SPECC1: variants seen among roughly 807,000 people sequenced by gnomAD.
SPECC1 encodes sperm antigen with calponin homology and coiled-coil domains 1.
A neutral mutation model predicts 104.1 loss-of-function variants in SPECC1; 62 were observed. The observed-to-expected ratio is 0.60, with a 90% confidence interval of 0.49 to 0.74. SPECC1 has a LOEUF of 0.74. SPECC1 is among the 30% of genes least tolerant of loss of function. The pLI, the probability that SPECC1 is intolerant of heterozygous loss-of-function variation, is 0.00. For missense variants in SPECC1, 1,306 were observed against 1,310.5 expected, an observed-to-expected ratio of 1.00 and a Z score of 0.05; for synonymous variants, 513 against 501.6, an observed-to-expected ratio of 1.02 and a Z score of -0.30.
At chr17:20,161,130 G>C (rs2033104559) in intron 3 of SPECC1, among the ~76,000 whole-genome samples, 1 of 152,192 alleles carries the variant, frequency 6.6e-6, no homozygotes, top group Non-Finnish European at 1.5e-5. Flanking sequence ...AGAATCGCTT[G>C]AGCCCGGGAG....
At chr17:20,185,865 T>C (rs563747660) in intron 3 of SPECC1, among the ~76,000 whole-genome samples, 78 of 152,180 alleles carry the variant, frequency 5.1e-4, no homozygotes, top group African/African-American at 1.8e-3. Flanking sequence ...TGAGGCAGAG[T>C]CTCTCTGTGT....
chr17:20,152,712 G>A (rs1182103902), intron 3 of SPECC1, among the ~76,000 whole-genome samples: 2 of 152,038 alleles, frequency 1.3e-5, no homozygotes, highest in African/African-American at 2.4e-5. Flanking sequence ...TTGCTCTGTT[G>A]CCAGGCTGGA....
intron 1 of SPECC1, among the ~76,000 whole-genome samples, chr17:20,035,514 TGTAA>T (rs1567805052): frequency 6.6e-6 from 1 of 152,242 alleles, no homozygotes; most frequent in Non-Finnish European, 1.5e-5. Context: ...TAGATTTATA[TGTAA>T]GTATTTCATT....
chr17:20,210,006 C>A (rs2037031049), intron 4 of SPECC1, among the ~76,000 whole-genome samples: 1 of 152,068 alleles, frequency 6.6e-6, no homozygotes, highest in African/African-American at 2.4e-5. Context: ...TATAAATAAC[C>A]CCTTGGCATG....
At chr17:20,247,719 GT>G (rs536052186) in intron 9 of SPECC1, among the ~76,000 whole-genome samples, 1 of 152,104 alleles carries the variant, frequency 6.6e-6, no homozygotes, top group Non-Finnish European at 1.5e-5. Flanking sequence ...TAGAAGTTAG[GT>G]TTTTTTGGAT....
intron 3 of SPECC1, among the ~76,000 whole-genome samples, chr17:20,171,627 A>G (rs2034097450): frequency 6.6e-6 from 1 of 152,042 alleles, no homozygotes; most frequent in African/African-American, 2.4e-5. Flanking sequence ...GGCTCACTGC[A>G]GCCTCGACCT....
chr17:20,125,516 A>G (rs1341370718), intron 3 of SPECC1, among the ~76,000 whole-genome samples: 1 of 152,210 alleles, frequency 6.6e-6, no homozygotes, highest in Non-Finnish European at 1.5e-5. Context: ...ATCTGTACCC[A>G]CTGAACGACT....
intron 7 of SPECC1, chr17:20,239,275 G>A (rs2039082704): frequency 3.1e-5 from 31 of 1,013,896 alleles, no homozygotes; most frequent in Non-Finnish European, 3.7e-5. Context: ...ATAACAAAAT[G>A]GAGACGTGTG....
chr17:20,248,695 C>T (rs1360834171), intron 9 of SPECC1, among the ~76,000 whole-genome samples: 2 of 152,018 alleles, frequency 1.3e-5, no homozygotes, highest in African/African-American at 4.8e-5. Context: ...ACTTTGCCTG[C>T]TTTTCTTTTG....
chr17:20,028,267 C>A (rs572427699), intron 1 of SPECC1, among the ~76,000 whole-genome samples: 1 of 106,446 alleles, frequency 9.4e-6, no homozygotes, highest in South Asian at 2.6e-4. Flanking sequence ...GGTCCAACTT[C>A]ATTTTTTTTT....
intron 3 of SPECC1, among the ~76,000 whole-genome samples, chr17:20,126,115 C>T (rs1395196642): frequency 6.6e-6 from 1 of 152,146 alleles, no homozygotes. Context: ...CCATCCAGGT[C>T]CTGGCTGTCT....
chr17:20,064,293 C>T (rs779632211), intron 1 of SPECC1, among the ~76,000 whole-genome samples: 2 of 151,326 alleles, frequency 1.3e-5, no homozygotes, highest in African/African-American at 2.4e-5. Flanking sequence ...AGAACGGGCA[C>T]ACCACCAAGT....
intron 7 of SPECC1, among the ~76,000 whole-genome samples, chr17:20,243,448 A>G (rs994302688): frequency 6.6e-6 from 1 of 152,308 alleles, no homozygotes; most frequent in Non-Finnish European, 1.5e-5. Flanking sequence ...AAGGATTTTC[A>G]GCCTCATTTA....
intron 12 of SPECC1, among the ~76,000 whole-genome samples, chr17:20,287,829 G>C (rs933861635): frequency 6.6e-6 from 1 of 151,744 alleles, no homozygotes; most frequent in Admixed American, 6.6e-5. Flanking sequence ...AAATTTCAGG[G>C]TACATGTGCA....
At chr17:20,039,749 G>T (rs1002749020) in intron 1 of SPECC1, among the ~76,000 whole-genome samples, 1 of 151,990 alleles carries the variant, frequency 6.6e-6, no homozygotes, top group African/African-American at 2.4e-5. Context: ...TAGAGATGGG[G>T]TATTACCATG....
chr17:20,272,130 A>G (rs1272316561), intron 12 of SPECC1, among the ~76,000 whole-genome samples: 1 of 152,070 alleles, frequency 6.6e-6, no homozygotes, highest in Non-Finnish European at 1.5e-5. Context: ...GCACCCTTTC[A>G]ATATGTAATT....
At position 20,269,513 on chromosome 17, in the gene SPECC1, C is replaced by T. The variant is rs143258564; in HGVS notation, c.2940+9219C>T. ...CCATCTCGGCTCACCACAACCTCCGCTCCCGGGTTCAAGATTCTCCTGCCT... is the reference window on the plus strand; with the variant it reads ...CCATCTCGGCTCACCACAACCTCCGTTCCCGGGTTCAAGATTCTCCTGCCT... On this transcript the variant is annotated intron_variant, in intron 12 of 14. Transcript: ENST00000395527. 3.6e-3 allele frequency among the ~76,000 whole-genome samples: 547 copies of T among 152,314 alleles called. 5 individuals are homozygous for T. Among genetic ancestry groups the T allele is most frequent in the African/African-American group, 0.012 (500 of 41,566 alleles).
At chr17:20,033,683 T>C (rs749926128) in intron 1 of SPECC1, among the ~76,000 whole-genome samples, 3 of 152,172 alleles carry the variant, frequency 2.0e-5, no homozygotes, top group Non-Finnish European at 4.4e-5. Flanking sequence ...AAGAACTCAC[T>C]CATTCCTGCA....
At chr17:20,220,204 T>C (rs1474326566) in intron 4 of SPECC1, among the ~76,000 whole-genome samples, 1 of 152,176 alleles carries the variant, frequency 6.6e-6, no homozygotes, top group African/African-American at 2.4e-5. Context: ...AAAAAAATTA[T>C]AAAGAATGTC....
Sources: gnomAD v4.1 joint callset for allele counts (sites outside exome capture counted in the v4.1 genomes callset) on GRCh38, gnomAD v4.1.1 for gene constraint, MANE v1.5 for transcripts, NCBI Gene and HGNC (gene_info 2026-07-23, HGNC 2026-07-21) for gene names.